TMEM40: variants seen among roughly 807,000 people sequenced by gnomAD.
The protein encoded by TMEM40 is transmembrane protein 40.
In TMEM40, 34 loss-of-function variants were observed where a neutral mutation model predicts 40.8. That is an observed-to-expected ratio of 0.83 (90% confidence interval 0.63 to 1.11). The LOEUF (loss-of-function observed/expected upper bound fraction) is 1.11, where lower values mean the gene tolerates loss of function less well. Among genes scored for constraint, TMEM40 ranks in the 50% least tolerant of loss-of-function variants. The pLI is 0.00. For missense variants in TMEM40, 296 were observed against 280.2 expected, an observed-to-expected ratio of 1.06 and a Z score of -0.40; for synonymous variants, 106 against 107.0, an observed-to-expected ratio of 0.99 and a Z score of 0.06.
intron 3 of TMEM40, among the ~76,000 whole-genome samples, chr3:12,747,073 A>G (rs949102050): frequency 2.0e-5 from 3 of 152,026 alleles, no homozygotes; most frequent in Non-Finnish European, 4.4e-5. Context: ...ACTGGCTACA[A>G]ACAAACCCAC....
exon 1 of TMEM40, chr3:12,769,285 G>A (rs1354462694): frequency 4.9e-6 from 2 of 408,628 alleles, no homozygotes; most frequent in Admixed American, 2.5e-5. Flanking sequence ...CTCCGGCCTC[G>A]GCCATCCCAG....
chr3:12,738,721 G>T (rs531966072), intron 5 of TMEM40, 133 bp from the exon 6 acceptor site: 17 of 903,524 alleles, frequency 1.9e-5, no homozygotes, highest in South Asian at 1.9e-4. Context: ...GAATGGAGCC[G>T]GCTGGAGGGT....
intron 6 of TMEM40, 57 bp downstream of exon 6, chr3:12,738,496 C>T: frequency 1.3e-6 from 2 of 1,591,082 alleles, no homozygotes; most frequent in Non-Finnish European, 1.7e-6. Flanking sequence ...AGAGGTGATG[C>T]CTAGACCTGG....
intron 5 of TMEM40, among the ~76,000 whole-genome samples, chr3:12,739,612 G>T (rs1575731816): frequency 6.6e-6 from 1 of 151,126 alleles, no homozygotes; most frequent in Admixed American, 6.6e-5. Flanking sequence ...ATAGAGACAG[G>T]GTCTTATTAT....
chr3:12,740,427 T>G (rs1485798257), intron 5 of TMEM40, among the ~76,000 whole-genome samples: 2 of 148,948 alleles, frequency 1.3e-5, no homozygotes, highest in African/African-American at 4.9e-5. Context: ...CTGGGCCAGG[T>G]GTGGTGGCTC....
intron 1 of TMEM40, among the ~76,000 whole-genome samples, chr3:12,755,164 C>A (rs189154211): frequency 7.1e-6 from 1 of 141,484 alleles, no homozygotes; most frequent in Non-Finnish European, 1.5e-5. Context: ...CTTTCTCTTT[C>A]TTTCTTTCTC....
chr3:12,751,521 G>T (rs529488648), intron 1 of TMEM40, among the ~76,000 whole-genome samples: 1 of 151,766 alleles, frequency 6.6e-6, no homozygotes, highest in South Asian at 2.1e-4. Context: ...CTTGTGATCC[G>T]CCCGCCTTGA....
At position 12,734,480 on chromosome 3, in the gene TMEM40, G is replaced by C. The variant is rs565749503; in HGVS notation, c.*294C>G. On this transcript the variant is annotated 3_prime_UTR_variant, in exon 12 of 12. Transcript: ENST00000314124. ...CAGGGTCCCTTGCTGTCCTCTGAGA[G>C]CAGTGACCTCCCAGAATCTTCCTGC... The C allele has an allele frequency of 6.7e-6, 3 of 444,658 alleles. No individual in the cohort carries two copies. The highest frequency in any genetic ancestry group is 3.6e-5 in the Admixed American group (1 of 27,992). 27.5% of individuals were successfully genotyped at this position (444,658 alleles called of 1,614,324 possible).
chr3:12,742,103 G>A (rs948496695), intron 5 of TMEM40, among the ~76,000 whole-genome samples: 5 of 152,122 alleles, frequency 3.3e-5, no homozygotes, highest in Non-Finnish European at 5.9e-5. Flanking sequence ...GGTGGTGGGC[G>A]CCTGTGGTCC....
At position 12,736,830 on chromosome 3, in the gene TMEM40, A is replaced by G. The variant is rs960173379; in HGVS notation, c.478T>C (p.Phe160Leu). Residue 160 changes from phenylalanine (F) to leucine (L), a missense_variant, in exon 9 of 12, where the codon TTT becomes CTT. By Grantham distance (22) the Phe-to-Leu change is conservative. Transcript: ENST00000314124. ...RRLNIKKDDE[F>L]FHFVLLCFAI... Reference sequence around the variant, plus strand: ...AAGCACAGGAGGACGAAATGGAAAAACTCATCTGTGAAGGCAGGGGTGGGC... The same window carrying G: ...AAGCACAGGAGGACGAAATGGAAAAGCTCATCTGTGAAGGCAGGGGTGGGC... 9 of 1,613,592 alleles carry G rather than the reference A, an allele frequency of 5.6e-6. No individual in the cohort carries two copies. The highest frequency in any genetic ancestry group is 1.7e-5 in the Admixed American group (1 of 59,936).
At position 12,748,640 on chromosome 3, in the gene TMEM40, A is replaced by C; in HGVS notation, c.211+15T>G. The C allele has an allele frequency of 6.2e-7, 1 of 1,606,882 alleles. No homozygotes were observed. The highest frequency in any genetic ancestry group is 8.5e-7 in the Non-Finnish European group (1 of 1,177,574). On this transcript the variant is annotated intron_variant, in intron 3 of 11. Coordinates refer to ENST00000314124, the MANE Select transcript of TMEM40 (RefSeq NM_018306.4). ...TTTCTTGAATAATATACATATATTTAAATCTCTGCTATACCTGAGGAGGAG... is the reference window on the plus strand; with the variant it reads ...TTTCTTGAATAATATACATATATTTCAATCTCTGCTATACCTGAGGAGGAG...
intron 1 of TMEM40, among the ~76,000 whole-genome samples, chr3:12,754,236 C>T (rs1012156627): frequency 1.3e-5 from 2 of 152,100 alleles, no homozygotes; most frequent in Non-Finnish European, 2.9e-5. Context: ...GGCGTGAACC[C>T]GGGAGGTGGA....
rs182052179 is a variant in TMEM40 at position 12,748,257 on chromosome 3, A to C, written c.211+398T>G. On this transcript the variant is annotated intron_variant, in intron 3 of 11. Coordinates refer to ENST00000314124, the MANE Select transcript of TMEM40 (RefSeq NM_018306.4). ...TTGAGCAGTTTACCCAAGGACGTGT[A>C]GCTACTTAGTGGTAGAGACAGGATT... Among the ~76,000 whole-genome samples, 22 of 152,342 alleles carry C rather than the reference A, an allele frequency of 1.4e-4. No homozygotes were observed. In the East Asian group the frequency reaches 4.2e-3, roughly 29 times the overall value.
chr3:12,769,131 C>T (rs967591125), intron 1 of TMEM40: 3 of 81,540 alleles, frequency 3.7e-5, no homozygotes, highest in South Asian at 1.0e-4. Context: ...CCTCACTGCC[C>T]GGGACTGGCG....
At chr3:12,755,201 T>TTCTTTCTCTCTCTCTC (rs1436167989) in intron 1 of TMEM40, among the ~76,000 whole-genome samples, 2 of 84,822 alleles carry the variant, frequency 2.4e-5, no homozygotes, top group African/African-American at 1.3e-4. Flanking sequence ...CTTCCTTCCT[T>TTCTTTCTCTCTCTCTC]TCTTTCTTTC....
At chr3:12,750,939 G>T (rs577906765) in intron 1 of TMEM40, among the ~76,000 whole-genome samples, 56 of 152,088 alleles carry the variant, frequency 3.7e-4, no homozygotes, top group Non-Finnish European at 6.6e-4. Context: ...CCCCATTTGA[G>T]AATGGTCTAG....
At chr3:12,760,130 C>A (rs1165049919), upstream of TMEM40, among the ~76,000 whole-genome samples, 1 of 152,156 alleles carries the variant, frequency 6.6e-6, no homozygotes, top group Non-Finnish European at 1.5e-5. Context: ...TTCAGTATAG[C>A]CTGAATTCAG....
At chr3:12,767,334 A>T (rs2061598684) in intron 1 of TMEM40, among the ~76,000 whole-genome samples, 1 of 152,092 alleles carries the variant, frequency 6.6e-6, no homozygotes, top group Non-Finnish European at 1.5e-5. Context: ...CAGGGGGGAA[A>T]AGGCTCTCCT....
At chr3:12,767,340 C>G (rs759405606) in intron 1 of TMEM40, among the ~76,000 whole-genome samples, 4 of 152,102 alleles carry the variant, frequency 2.6e-5, no homozygotes, top group Non-Finnish European at 4.4e-5. Flanking sequence ...GGAAAAGGCT[C>G]TCCTTGGAGA....
Sources: gnomAD v4.1 joint callset for allele counts (sites outside exome capture counted in the v4.1 genomes callset) on GRCh38, gnomAD v4.1.1 for gene constraint, MANE v1.5 for transcripts, NCBI Gene and HGNC (gene_info 2026-07-23, HGNC 2026-07-21) for gene names.